The following ANO5 variants were observed in gnomAD, a reference collection of about 807,000 sequenced individuals.
The protein encoded by ANO5 is anoctamin-5.
ANO5 carries 109 observed loss-of-function variants against 121.0 expected under a neutral mutation model. The ratio of observed to expected loss-of-function variants is 0.90; its 90% CI spans 0.77 to 1.06. ANO5 has a LOEUF of 1.06. Ranked by LOEUF, ANO5 falls within the 50% of genes least tolerant of loss-of-function variation. The probability of loss-of-function intolerance (pLI) is 0.00; values close to 1 mark genes in which losing one functional copy is unlikely to be tolerated. For missense variants in ANO5, 1,064 were observed against 1,078.5 expected, an observed-to-expected ratio of 0.99 and a Z score of 0.19; for synonymous variants, 406 against 359.9, an observed-to-expected ratio of 1.13 and a Z score of -1.45.
At chr11:22,227,656 T>G in intron 7 of ANO5, 70 bp downstream of exon 7, 1 of 1,561,194 alleles carries the variant, frequency 6.4e-7, no homozygotes, top group Non-Finnish European at 8.8e-7. Flanking sequence ...CTTTTATACA[T>G]GTGCAGATGT....
intron 7 of ANO5, among the ~76,000 whole-genome samples, chr11:22,234,512 T>C (rs1853149934): frequency 6.6e-6 from 1 of 152,148 alleles, no homozygotes; most frequent in Admixed American, 6.6e-5. Context: ...AACTGATGTG[T>C]CCTTCTTAGT....
intron 17 of ANO5, among the ~76,000 whole-genome samples, chr11:22,266,364 T>A (rs896914347): frequency 6.6e-6 from 1 of 152,176 alleles, no homozygotes; most frequent in African/African-American, 2.4e-5. Context: ...ACATCATTCA[T>A]TTTTCCTCTT....
intron 6 of ANO5, among the ~76,000 whole-genome samples, chr11:22,226,978 C>T (rs982371949): frequency 6.6e-6 from 1 of 152,018 alleles, no homozygotes; most frequent in African/African-American, 2.4e-5. Flanking sequence ...CCCAGAACCG[C>T]ATAGGTTATT....
intron 7 of ANO5, among the ~76,000 whole-genome samples, chr11:22,228,090 G>T (rs866971767): frequency 6.6e-6 from 1 of 151,902 alleles, no homozygotes; most frequent in Non-Finnish European, 1.5e-5. Flanking sequence ...TGCATTTGAA[G>T]TCCTAGGATC....
chr11:22,273,389 T>C (rs1483064867), intron 19 of ANO5, among the ~76,000 whole-genome samples: 2 of 152,162 alleles, frequency 1.3e-5, no homozygotes, highest in African/African-American at 4.8e-5. Context: ...AGCATAACTT[T>C]TACAATGCAT....
chr11:22,259,448 A>G, intron 14 of ANO5, 71 bp from the exon 15 acceptor site: 3 of 1,409,074 alleles, frequency 2.1e-6, no homozygotes, highest in South Asian at 1.2e-5. Flanking sequence ...CAGAATAATC[A>G]ATATGTTAGA....
intron 17 of ANO5, among the ~76,000 whole-genome samples, chr11:22,265,270 T>C (rs72982045): frequency 6.6e-6 from 1 of 152,290 alleles, no homozygotes; most frequent in South Asian, 2.1e-4. Flanking sequence ...CATCAGTTTC[T>C]CATCAATAGC....
In ANO5 at chr11:22,262,249, G is replaced by C. The variant is rs757788686; in HGVS notation, c.1751G>C (p.Gly584Ala). The stretch of plus-strand genomic sequence containing the variant: ...GCTTTCTTTAAAGGGAAGTTCGTAG[G>C]CTATCCTGGAAAATACACATATTTA... ...YVAFFKGKFV[G>A]YPGKYTYLFN... The change falls in exon 16 of 22, where the codon GGC becomes GCC. Residue 584 changes from glycine (G) to alanine (A), a missense_variant. By Grantham distance (60) the Gly-to-Ala change is moderately conservative. Coordinates refer to ENST00000324559, the MANE Select transcript of ANO5 (RefSeq NM_213599.3). 1 of 1,613,812 alleles carries C rather than the reference G, an allele frequency of 6.2e-7. No homozygotes were observed. Among genetic ancestry groups the C allele is most frequent in the Non-Finnish European group, 8.5e-7 (1 of 1,179,936 alleles).
intron 18 of ANO5, among the ~76,000 whole-genome samples, chr11:22,271,562 T>G (rs1361852938): frequency 6.6e-6 from 1 of 152,230 alleles, no homozygotes; most frequent in Non-Finnish European, 1.5e-5. Context: ...TTTAATTGTG[T>G]AAGTTTCAAA....
intron 18 of ANO5, among the ~76,000 whole-genome samples, chr11:22,271,875 C>G (rs1854627845): frequency 6.6e-6 from 1 of 151,986 alleles, no homozygotes; most frequent in Admixed American, 6.6e-5. Context: ...CATTTTCTAC[C>G]TCGTAGGTTA....
In ANO5 at chr11:22,225,464, C is replaced by T. The variant is rs140964893; in HGVS notation, c.295-520C>T. ...AGAGTGAGACCCTGTCACTACAAAA[C>T]GAACAAACAAACAAATGAAGAACTA... On this transcript the variant is annotated intron_variant, in intron 5 of 21. Coordinates refer to ENST00000324559, the MANE Select transcript of ANO5 (RefSeq NM_213599.3). Among the ~76,000 whole-genome samples the T allele has an allele frequency of 6.7e-3, 1,024 of 152,028 alleles. 8 individuals are homozygous for T. The highest frequency in any genetic ancestry group is 0.023 in the African/African-American group (967 of 41,474).
chr11:22,270,094 T>G (rs760515393), intron 17 of ANO5, among the ~76,000 whole-genome samples: 1 of 152,306 alleles, frequency 6.6e-6, no homozygotes, highest in African/African-American at 2.4e-5. Context: ...TGTCTCATTT[T>G]CTCAATCACC....
chr11:22,267,971 T>C (rs1374876203), intron 17 of ANO5, among the ~76,000 whole-genome samples: 3 of 152,208 alleles, frequency 2.0e-5, no homozygotes, highest in Non-Finnish European at 4.4e-5. Context: ...TAGCATTCCA[T>C]GGTGTATGTG....
chr11:22,264,539 G>A (rs1398408788), intron 17 of ANO5, among the ~76,000 whole-genome samples: 2 of 149,632 alleles, frequency 1.3e-5, no homozygotes, highest in African/African-American at 2.5e-5. Flanking sequence ...TCCTAATAAC[G>A]AAAATTTCAA....
intron 1 of ANO5, 34 bp downstream of exon 1, chr11:22,193,566 C>G (rs765414038): frequency 6.2e-6 from 10 of 1,606,508 alleles, no homozygotes; most frequent in Admixed American, 3.4e-5. Context: ...AAGGGAGAGC[C>G]AGGCTGGCTG....
At chr11:22,194,931 AT>A (rs2133480142) in intron 1 of ANO5, among the ~76,000 whole-genome samples, 1 of 152,158 alleles carries the variant, frequency 6.6e-6, no homozygotes, top group Non-Finnish European at 1.5e-5. Flanking sequence ...ATATGCTTTT[AT>A]TTTCCTCGGG....
intron 18 of ANO5, among the ~76,000 whole-genome samples, chr11:22,270,885 T>C (rs1854586643): frequency 6.6e-6 from 1 of 152,098 alleles, no homozygotes. Context: ...CTAAAAGCGA[T>C]TGTGTAAGGG....
chr11:22,203,003 C>T (rs1342136716), intron 1 of ANO5, among the ~76,000 whole-genome samples: 1 of 152,062 alleles, frequency 6.6e-6, no homozygotes, highest in African/African-American at 2.4e-5. Context: ...TTAGTCAACC[C>T]CTACAATAGG....
In ANO5 at chr11:22,236,226, G is replaced by A. The variant is rs1026024524; in HGVS notation, c.712G>A (p.Glu238Lys). ...AGATGGGAAGAAAAGGTTTGGGATT[G>A]AAAGACTGCTAAACTCTAACACTTA... ...IEDGKKRFGIERLLNSNTYSS... is the reference protein window; with the variant it reads ...IEDGKKRFGIKRLLNSNTYSS... Residue 238 changes from glutamate (E) to lysine (K), a missense_variant, in exon 8 of 22, where the codon GAA (glutamate) becomes AAA (lysine). Transcript: ENST00000324559. 2.9e-5 allele frequency: 46 copies of A among 1,613,408 alleles called. No homozygotes were observed. Among genetic ancestry groups the A allele is most frequent in the Non-Finnish European group, 3.8e-5 (45 of 1,179,592 alleles).
Sources: gnomAD v4.1 joint callset for allele counts (sites outside exome capture counted in the v4.1 genomes callset) on GRCh38, gnomAD v4.1.1 for gene constraint, MANE v1.5 for transcripts, NCBI Gene and HGNC (gene_info 2026-07-23, HGNC 2026-07-21) for gene names.